RIN2: variants seen among roughly 807,000 people sequenced by gnomAD.
The protein encoded by RIN2 is Ras and Rab interactor 2.
A neutral mutation model predicts 78.0 loss-of-function variants in RIN2; 36 were observed. The ratio of observed to expected loss-of-function variants is 0.46; its 90% CI spans 0.35 to 0.61. The LOEUF is 0.61. Ranked by LOEUF, RIN2 falls within the 20% of genes least tolerant of loss-of-function variation. RIN2 has a pLI of 0.00. For missense variants in RIN2, 1,087 were observed against 1,159.7 expected, an observed-to-expected ratio of 0.94 and a Z score of 0.91; for synonymous variants, 466 against 466.8, an observed-to-expected ratio of 1.00 and a Z score of 0.02.
rs914873447 is a variant in RIN2, at chr20:19,758,309, C to CG, written c.-177dup. ...CGGTCGCCCCCGCCTCCGGGACCTG[C>CG]GGGGAGGGCCCGCGAGAGGTAAGGG... is the stretch of plus-strand genomic sequence containing the variant. On this transcript the variant is annotated 5_prime_UTR_variant, in exon 1 of 13. Transcript: ENST00000255006. The CG allele has an allele frequency of 2.0e-5, 3 of 152,320 alleles. No individual in the cohort carries two copies. The highest frequency in any genetic ancestry group is 7.2e-5 in the African/African-American group (3 of 41,460). 9.4% of individuals were successfully genotyped at this position (152,320 alleles called of 1,614,324 possible).
chr20:19,870,677 C>T (rs2037663819), intron 2 of RIN2, among the ~76,000 whole-genome samples: 1 of 152,176 alleles, frequency 6.6e-6, no homozygotes, highest in African/African-American at 2.4e-5. Flanking sequence ...AAAAATGGTT[C>T]CTCAGCCTTT....
intron 2 of RIN2, among the ~76,000 whole-genome samples, chr20:19,806,767 G>A (rs937448945): frequency 3.3e-5 from 5 of 152,190 alleles, no homozygotes; most frequent in African/African-American, 1.2e-4. Context: ...GCATGGTGGT[G>A]TGCATCTGTA....
chr20:19,945,032 A>G (rs915959529), intron 4 of RIN2, among the ~76,000 whole-genome samples: 30 of 152,218 alleles, frequency 2.0e-4, no homozygotes, highest in Non-Finnish European at 8.8e-5. Flanking sequence ...CAGTCCAGGC[A>G]CTTAGAATCA....
At chr20:19,854,434 G>A (rs1356737384) in intron 2 of RIN2, among the ~76,000 whole-genome samples, 1 of 152,236 alleles carries the variant, frequency 6.6e-6, no homozygotes, top group Admixed American at 6.5e-5. Context: ...TTGGTAGCTT[G>A]ATGGGGATGG....
intron 2 of RIN2, among the ~76,000 whole-genome samples, chr20:19,802,571 A>G (rs1250596243): frequency 1.3e-5 from 2 of 151,826 alleles, no homozygotes; most frequent in Admixed American, 1.3e-4. Context: ...AGGCTGTGTT[A>G]TAGAAAGGCA....
At chr20:19,884,323 G>A (rs2038114682) in intron 2 of RIN2, among the ~76,000 whole-genome samples, 1 of 152,076 alleles carries the variant, frequency 6.6e-6, no homozygotes. Context: ...TATTCGGGAG[G>A]CTGAGGTGGG....
intron 3 of RIN2, among the ~76,000 whole-genome samples, chr20:19,904,255 A>G (rs2039121699): frequency 6.8e-6 from 1 of 146,984 alleles, no homozygotes; most frequent in Non-Finnish European, 1.5e-5. Flanking sequence ...ATATATATAT[A>G]TATATAAAAT....
intron 2 of RIN2, among the ~76,000 whole-genome samples, chr20:19,853,549 C>T (rs1226550119): frequency 4.6e-5 from 7 of 152,080 alleles, no homozygotes; most frequent in African/African-American, 1.7e-4. Flanking sequence ...CACCTGTTGT[C>T]TCCTGACTTT....
Position 19,889,660 on chromosome 20 carries a change from T to C in RIN2, c.57+2T>C. 3 of 1,498,718 alleles carry C rather than the reference T, an allele frequency of 2.0e-6. No individual in the cohort carries two copies. The highest frequency in any genetic ancestry group is 2.7e-6 in the Non-Finnish European group (3 of 1,117,018). 92.8% of individuals were successfully genotyped at this position (1,498,718 alleles called of 1,614,324 possible). A position where few individuals can be genotyped will look rare whatever the true frequency, so the allele number is the denominator to read the frequency against. The stretch of plus-strand genomic sequence containing the variant: ...GACAAGCGAGGAAGTTTCTTTAAGG[T>C]AAAAGGAAGCCTTGATTGGGATCTC... On this transcript the variant is annotated splice_donor_variant, in intron 3 of 12. Coordinates refer to ENST00000255006, the MANE Select transcript of RIN2 (RefSeq NM_018993.4). LOFTEE classifies it high-confidence loss of function.
At chr20:19,788,039 TA>T (rs2034740181) in intron 1 of RIN2, among the ~76,000 whole-genome samples, 1 of 152,138 alleles carries the variant, frequency 6.6e-6, no homozygotes, top group Non-Finnish European at 1.5e-5. Flanking sequence ...ACATTTAGAT[TA>T]AAAATACTTA....
chr20:19,876,832 C>T (rs1033596461), intron 2 of RIN2, among the ~76,000 whole-genome samples: 3 of 148,154 alleles, frequency 2.0e-5, no homozygotes, highest in African/African-American at 5.0e-5. Flanking sequence ...TTGAACCCAG[C>T]GGGGCGGAGG....
rs2043152312 is a variant in RIN2 at position 20,001,938 on chromosome 20, G to C, written c.*1002G>C. On this transcript the variant is annotated 3_prime_UTR_variant, in exon 13 of 13. Coordinates refer to ENST00000255006, the MANE Select transcript of RIN2 (RefSeq NM_018993.4). ...GCAAAATCTATTCCATGTGTGATTT[G>C]CTTGTAGAAACAATTTTGAAAGCCC... The C allele has an allele frequency of 6.6e-6, 1 of 152,602 alleles. No homozygotes were observed. The highest frequency in any genetic ancestry group is 2.4e-5 in the African/African-American group (1 of 41,448). 9.5% of individuals were successfully genotyped at this position (152,602 alleles called of 1,614,324 possible).
At chr20:19,998,403 C>G (rs1391012366) in intron 12 of RIN2, among the ~76,000 whole-genome samples, 1 of 152,180 alleles carries the variant, frequency 6.6e-6, no homozygotes, top group African/African-American at 2.4e-5. Flanking sequence ...TGGAGACCAG[C>G]CTTGGCAACA....
At chr20:19,865,980 A>ATG (rs1415639087) in intron 2 of RIN2, among the ~76,000 whole-genome samples, 1 of 152,098 alleles carries the variant, frequency 6.6e-6, no homozygotes. Context: ...GGGATGATTC[A>ATG]AGCACATTAC....
intron 2 of RIN2, among the ~76,000 whole-genome samples, chr20:19,825,400 C>T (rs549287870): frequency 2.6e-5 from 4 of 152,330 alleles, no homozygotes; most frequent in African/African-American, 7.2e-5. Context: ...TCTTTCTTAG[C>T]TTGAGCCAGG....
chr20:19,861,495 C>T (rs1326695581), intron 2 of RIN2, among the ~76,000 whole-genome samples: 1 of 152,184 alleles, frequency 6.6e-6, no homozygotes, highest in Non-Finnish European at 1.5e-5. Flanking sequence ...ACGCCCTGCC[C>T]TCGATATCTG....
chr20:19,935,316 C>T, intron 4 of RIN2, 117 bp downstream of exon 4: 1 of 1,251,080 alleles, frequency 8.0e-7, no homozygotes, highest in Non-Finnish European at 1.1e-6. Flanking sequence ...AGTGTGGTAG[C>T]AGCTCTAGAT....
At chr20:19,862,382 G>C (rs868399605) in intron 2 of RIN2, among the ~76,000 whole-genome samples, 1 of 152,002 alleles carries the variant, frequency 6.6e-6, no homozygotes, top group African/African-American at 2.4e-5. Context: ...GCCTGAGCTC[G>C]AGAGTTCGAG....
chr20:19,766,356 C>A lies in RIN2; in HGVS notation c.-163+8029C>A, dbSNP rs188501411. 1.8e-4 allele frequency among the ~76,000 whole-genome samples: 27 copies of A among 152,286 alleles called. No individual in the cohort carries two copies. In the East Asian group the frequency reaches 2.3e-3, roughly 13 times the overall value. Reference sequence around the variant, plus strand: ...CTACACTTTAGTATCAGCTTAGGCACTCTCCCTCTTTTAAACTGTGCTTCC... The same window carrying A: ...CTACACTTTAGTATCAGCTTAGGCAATCTCCCTCTTTTAAACTGTGCTTCC... On this transcript the variant is annotated intron_variant, in intron 1 of 12. Transcript: ENST00000255006.
Sources: allele counts gnomAD v4.1 joint callset (sites outside exome capture counted in the v4.1 genomes callset), GRCh38; gene constraint gnomAD v4.1.1; transcripts MANE v1.5; gene names NCBI Gene and HGNC (gene_info 2026-07-23, HGNC 2026-07-21).